HDAC5: variants seen among roughly 807,000 people sequenced by gnomAD.
The protein encoded by HDAC5 is histone deacetylase 5, also known as antigen NY-CO-9.
Under a neutral mutation model 133.3 loss-of-function variants are expected in HDAC5, and 25 were observed. The ratio of observed to expected loss-of-function variants is 0.19; its 90% CI spans 0.14 to 0.26. The LOEUF (loss-of-function observed/expected upper bound fraction) is 0.26, where lower values mean the gene tolerates loss of function less well. Among genes scored for constraint, HDAC5 ranks in the 10% least tolerant of loss-of-function variants. HDAC5 has a pLI of 1.00. For synonymous variants in HDAC5, 589 were observed against 610.8 expected (o/e 0.96, Z 0.53); for missense variants, 1,041 against 1,460.5 (o/e 0.71, Z 4.68).
At chr17:44,098,651 G>C (rs2051406145) in intron 3 of HDAC5, among the ~76,000 whole-genome samples, 2 of 149,396 alleles carry the variant, frequency 1.3e-5, no homozygotes, top group Non-Finnish European at 1.5e-5. Context: ...GAGGCAGGGA[G>C]AGTTGTTTGA....
chr17:44,078,443 T>C (rs2050214515), intron 26 of HDAC5, 28 bp from the exon 27 acceptor site: 1 of 1,561,814 alleles, frequency 6.4e-7, no homozygotes, highest in South Asian at 1.2e-5. Flanking sequence ...GGGAGGGTAT[T>C]GAGTGGGGCG....
At chr17:44,083,198 T>C (rs1296785328) in intron 18 of HDAC5, among the ~76,000 whole-genome samples, 2 of 152,104 alleles carry the variant, frequency 1.3e-5, no homozygotes, top group African/African-American at 4.8e-5. Context: ...CTCGAACTCC[T>C]GGGCTCAAGC....
chr17:44,082,977 T>G (rs983868527), intron 18 of HDAC5, among the ~76,000 whole-genome samples, 157 bp from the exon 19 acceptor site: 8 of 152,078 alleles, frequency 5.3e-5, no homozygotes, highest in South Asian at 2.1e-4. Context: ...GGTTTCTTTG[T>G]TTTTTTATGG....
At chr17:44,111,490 C>T in intron 2 of HDAC5, 1 of 448,948 alleles carries the variant, frequency 2.2e-6, no homozygotes, top group South Asian at 1.6e-5. Context: ...ACCCATGCAT[C>T]TGGGAGCGGC....
At chr17:44,119,362 G>A (rs1162807923) in intron 1 of HDAC5, among the ~76,000 whole-genome samples, 1 of 152,234 alleles carries the variant, frequency 6.6e-6, no homozygotes, top group Non-Finnish European at 1.5e-5. Flanking sequence ...CATCTCCACA[G>A]TGAGAGGCAC....
intron 2 of HDAC5, chr17:44,111,453 G>A (rs1349587878): frequency 2.4e-6 from 1 of 413,980 alleles, no homozygotes; most frequent in Non-Finnish European, 4.9e-6. Context: ...GCCAGAGGCT[G>A]GGCTGGGGAA....
chr17:44,094,829 G>C (rs974823961), intron 3 of HDAC5, among the ~76,000 whole-genome samples: 1 of 151,702 alleles, frequency 6.6e-6, no homozygotes, highest in Non-Finnish European at 1.5e-5. Flanking sequence ...TCAGAGACAA[G>C]GTCTTGCTCT....
intron 11 of HDAC5, among the ~76,000 whole-genome samples, chr17:44,090,138 CAGG>C (rs1810213845): frequency 6.6e-6 from 1 of 151,292 alleles, no homozygotes; most frequent in African/African-American, 2.4e-5. Flanking sequence ...GAGGCTGAGG[CAGG>C]AGAATTGCTT....
rs777606883 is a variant in HDAC5, at chr17:44,093,400, C to T, written c.440G>A (p.Arg147Gln). Reference sequence around the variant, plus strand: ...CAGCTCTTCCTGCCGCTGCTGCTCCCGCTGCCGCTGCTGCTCCAGCTCCTG... The same window carrying T: ...CAGCTCTTCCTGCCGCTGCTGCTCCTGCTGCCGCTGCTGCTCCAGCTCCTG... ...RQQELEQQRQREQQRQEELEK... is the reference protein window; with the variant it reads ...RQQELEQQRQQEQQRQEELEK... Residue 147 changes from arginine to glutamine, a missense_variant, in exon 5 of 27, where the codon CGG (arginine) becomes CAG (glutamine). Physicochemically the swap from Arg to Gln is conservative, Grantham distance 43. This residue lies in a region of HDAC5 where 109 missense variants were observed against 168.0 expected (regional missense o/e 0.65). Transcript: ENST00000682912. 1.3e-5 allele frequency: 20 copies of T among 1,590,710 alleles called. 1 individual carries two copies. The highest frequency in any genetic ancestry group is 4.5e-5 in the East Asian group (2 of 44,298).
At position 44,079,433 on chromosome 17, in the gene HDAC5, A is replaced by C. The variant is rs1290125810; in HGVS notation, c.2945-156T>G. ...AAGGCGGGCAGATCACAAGGTCAGG[A>C]GTTCGAGACCAGCCTGACCAACATG... On this transcript the variant is annotated intron_variant, in intron 23 of 26. Coordinates refer to ENST00000682912, the MANE Select transcript of HDAC5 (RefSeq NM_005474.5). 3.4e-5 allele frequency: 21 copies of C among 625,718 alleles called. No individual in the cohort carries two copies. The East Asian group carries it at 4.6e-4, about 14-fold the overall frequency. The allele number at this position is 625,718 out of a possible 1,614,324, so 38.8% of individuals were successfully genotyped here.
intron 6 of HDAC5, 22 bp from the exon 7 acceptor site, chr17:44,092,828 G>GGGGGGGGGC: frequency 1.7e-6 from 1 of 596,630 alleles, no homozygotes; most frequent in Non-Finnish European, 2.9e-6. Flanking sequence ...GGGGGGTGGG[G>GGGGGGGGGC]ATGGAAGCAG....
intron 1 of HDAC5, chr17:44,123,302 A>G (rs899447121): frequency 3.0e-4 from 96 of 321,260 alleles, no homozygotes; most frequent in Non-Finnish European, 4.8e-4. Context: ...GGGCGCGCGC[A>G]GCAACCCCGA....
At chr17:44,101,719 C>CA (rs1178125853) in intron 3 of HDAC5, among the ~76,000 whole-genome samples, 5 of 152,160 alleles carry the variant, frequency 3.3e-5, no homozygotes, top group Non-Finnish European at 1.5e-5. Flanking sequence ...TAAGTAGCAG[C>CA]AAAACAGAGA....
intron 3 of HDAC5, among the ~76,000 whole-genome samples, chr17:44,098,697 T>C (rs1413364604): frequency 7.1e-6 from 1 of 140,040 alleles, no homozygotes; most frequent in African/African-American, 2.7e-5. Context: ...GCCCAGATCA[T>C]GCCACTGCAC....
At position 44,079,136 on chromosome 17, in the gene HDAC5, C is replaced by T. The variant is rs1184754480; in HGVS notation, c.3078+8G>A. 1 of 1,610,530 alleles carries T rather than the reference C, an allele frequency of 6.2e-7. No homozygotes were observed. On this transcript the variant is annotated splice_region_variant and intron_variant, in intron 24 of 26. Coordinates refer to ENST00000682912, the MANE Select transcript of HDAC5 (RefSeq NM_005474.5). ...CCTGCCACCTCCCAGCTCCTTCCCACCCCTTACCTCTACACTGAGCAGAGC... is the reference window on the plus strand; with the variant it reads ...CCTGCCACCTCCCAGCTCCTTCCCATCCCTTACCTCTACACTGAGCAGAGC...
At chr17:44,122,839 G>A (rs892584973) in intron 1 of HDAC5, among the ~76,000 whole-genome samples, 2 of 152,168 alleles carry the variant, frequency 1.3e-5, no homozygotes, top group Non-Finnish European at 2.9e-5. Context: ...AAGGGGTTGG[G>A]GGGGAGCTCC....
intron 3 of HDAC5, among the ~76,000 whole-genome samples, chr17:44,099,292 G>A (rs907475414): frequency 1.3e-5 from 2 of 151,932 alleles, no homozygotes; most frequent in African/African-American, 2.4e-5. Context: ...TGGGCCCCCC[G>A]CACCCAGCTC....
chr17:44,101,168 G>A (rs2051581616), intron 3 of HDAC5, among the ~76,000 whole-genome samples: 1 of 150,322 alleles, frequency 6.7e-6, no homozygotes. Flanking sequence ...CACTTTGGGA[G>A]GCTGAGACAG....
Position 44,080,790 on chromosome 17 carries a change from G to A in HDAC5, c.2700C>T (p.Phe900=), listed in dbSNP as rs1228104610. 5 of 1,614,246 alleles carry A rather than the reference G, an allele frequency of 3.1e-6. No individual in the cohort carries two copies. Among genetic ancestry groups the A allele is most frequent in the East Asian group, 2.2e-5 (1 of 44,896 alleles). Reference sequence around the variant, plus strand: ...CTTCAGGAGCCCCAGAGCCTGGAAAGAAGTTCCCGTTGTCATAGCGATGCA... The same window carrying A: ...CTTCAGGAGCCCCAGAGCCTGGAAAAAAGTTCCCGTTGTCATAGCGATGCA... ...ISLHRYDNGN[F]FPGSGAPEEV... The change falls in exon 21 of 27, where the codon TTC becomes TTT. Residue 900 remains phenylalanine (F), a synonymous_variant. Coordinates refer to ENST00000682912, the MANE Select transcript of HDAC5 (RefSeq NM_005474.5).
Sources: gnomAD v4.1 joint callset for allele counts (sites outside exome capture counted in the v4.1 genomes callset) on GRCh38, gnomAD v4.1.1 for gene constraint, gnomAD v4.1.1 regional missense constraint, MANE v1.5 for transcripts, NCBI Gene and HGNC (gene_info 2026-07-23, HGNC 2026-07-21) for gene names.